Variants in LRRC27 observed in about 807,000 individuals in gnomAD.
LRRC27 encodes leucine rich repeat containing 27.
In LRRC27, 57 loss-of-function variants were observed where a neutral mutation model predicts 55.0. The observed-to-expected ratio is 1.04, with a 90% CI of 0.84 to 1.29. The LOEUF (loss-of-function observed/expected upper bound fraction) is 1.29. Ranked by LOEUF, LRRC27 falls within the 50% of genes most tolerant of loss-of-function variation. The pLI, the probability that LRRC27 is intolerant of heterozygous loss-of-function variation, is 0.00. For missense variants in LRRC27, 721 were observed against 651.5 expected, an observed-to-expected ratio of 1.11 and a Z score of -1.16; for synonymous variants, 278 against 251.9, an observed-to-expected ratio of 1.10 and a Z score of -0.98.
intron 3 of LRRC27, among the ~76,000 whole-genome samples, chr10:132,340,584 A>G (rs568251100): frequency 3.5e-4 from 53 of 152,318 alleles, no homozygotes; most frequent in Non-Finnish European, 7.2e-4. Flanking sequence ...GAGTAAACCA[A>G]AAACAGTGAA....
upstream of LRRC27, chr10:132,330,459 G>A (rs868031526): frequency 4.5e-5 from 32 of 717,118 alleles, no homozygotes; most frequent in Middle Eastern, 1.4e-3. Flanking sequence ...ACGCTCCTGA[G>A]AAGGTACTGG....
chr10:132,343,117 G>A (rs1160595088), intron 4 of LRRC27, among the ~76,000 whole-genome samples: 2 of 152,036 alleles, frequency 1.3e-5, no homozygotes, highest in Admixed American at 6.6e-5. Context: ...AAACCAGCCT[G>A]GGTAACATAG....
chr10:132,334,516 C>T (rs187365085), intron 2 of LRRC27, among the ~76,000 whole-genome samples: 11 of 152,344 alleles, frequency 7.2e-5, no homozygotes, highest in African/African-American at 2.2e-4. Flanking sequence ...GCTGGAATTA[C>T]AGGTGTAAGC....
chr10:132,360,173 G>A (rs1423992137), intron 8 of LRRC27, among the ~76,000 whole-genome samples: 1 of 152,174 alleles, frequency 6.6e-6, no homozygotes, highest in East Asian at 1.9e-4. Context: ...TTGGCTCACT[G>A]CAACCTCTGC....
intron 6 of LRRC27, 170 bp from the exon 7 acceptor site, chr10:132,351,437 C>CT: frequency 1.3e-6 from 1 of 745,924 alleles, no homozygotes; most frequent in Non-Finnish European, 2.3e-6. Flanking sequence ...ATTACGTGTC[C>CT]TGAAATCAAC....
Position 132,337,808 on chromosome 10 carries a change from A to C in LRRC27, c.341+113A>C. Reference sequence around the variant, plus strand: ...TAAATTTTTACCTCGGAATAGAAACATTTAATAGTATTTTTAAAGCCAGCT... The same window carrying C: ...TAAATTTTTACCTCGGAATAGAAACCTTTAATAGTATTTTTAAAGCCAGCT... On this transcript the variant is annotated intron_variant, in intron 3 of 10. Transcript: ENST00000368614. 3.2e-6 allele frequency: 4 copies of C among 1,245,272 alleles called. No individual in the cohort carries two copies. In the South Asian group the frequency reaches 5.8e-5, roughly 18 times the overall value. The allele number at this position is 1,245,272 out of a possible 1,614,324, so 77.1% of individuals were successfully genotyped here. A position where few individuals can be genotyped will look rare whatever the true frequency, so the allele number is the denominator to read the frequency against.
At chr10:132,362,553 TGAGGG>T (rs1471171601) in intron 9 of LRRC27, among the ~76,000 whole-genome samples, 1 of 152,018 alleles carries the variant, frequency 6.6e-6, no homozygotes, top group Non-Finnish European at 1.5e-5. Context: ...GGCTGGGCCT[TGAGGG>T]GAGGGGAGGG....
At chr10:132,361,628 C>G in intron 9 of LRRC27, 53 bp downstream of exon 9, 1 of 1,270,736 alleles carries the variant, frequency 7.9e-7, no homozygotes, top group African/African-American at 1.5e-5. Context: ...CAGCCACCCA[C>G]GGGCAGGTGC....
At chr10:132,369,770 C>T (rs2069173117) in intron 10 of LRRC27, among the ~76,000 whole-genome samples, 1 of 152,148 alleles carries the variant, frequency 6.6e-6, no homozygotes, top group Non-Finnish European at 1.5e-5. Flanking sequence ...GGGATGAAGG[C>T]TGCTCTAGAA....
intron 7 of LRRC27, among the ~76,000 whole-genome samples, chr10:132,354,210 G>A (rs1338512730): frequency 6.6e-6 from 1 of 152,226 alleles, no homozygotes; most frequent in Non-Finnish European, 1.5e-5. Flanking sequence ...TGGAAGAGAA[G>A]TTCTTGGATA....
chr10:132,350,439 T>TA, intron 6 of LRRC27: 1 of 152,448 alleles, frequency 6.6e-6, no homozygotes, highest in South Asian at 2.1e-4. Context: ...AGCAGCAGGT[T>TA]AAAGGCCAGT....
intron 8 of LRRC27, among the ~76,000 whole-genome samples, chr10:132,358,470 A>G (rs1373780353): frequency 0.015 from 102 of 6,768 alleles, 37 homozygotes; most frequent in African/African-American, 0.036. Flanking sequence ...AGCCGAGGTG[A>G]TGGAGCAGCG....
At position 132,376,662 on chromosome 10, in the gene LRRC27, C is replaced by T. The variant is rs749191600; in HGVS notation, c.*1420C>T. Reference sequence around the variant, plus strand: ...GAGCGTGTCCGTTGTGATCCCAGTCCTTTGAAACTGTGAAGCCTCGCCCCG... The same window carrying T: ...GAGCGTGTCCGTTGTGATCCCAGTCTTTTGAAACTGTGAAGCCTCGCCCCG... On this transcript the variant is annotated 3_prime_UTR_variant, in exon 11 of 11. Transcript: ENST00000368614. 5 of 152,326 alleles carry T rather than the reference C, an allele frequency of 3.3e-5. No individual in the cohort carries two copies. Among genetic ancestry groups the T allele is most frequent in the Non-Finnish European group, 7.3e-5 (5 of 68,090 alleles). 9.4% of individuals were successfully genotyped at this position (152,326 alleles called of 1,614,324 possible).
At chr10:132,337,359 G>T (rs928979378) in intron 2 of LRRC27, 4 of 1,354,362 alleles carry the variant, frequency 3.0e-6, no homozygotes, top group Admixed American at 3.4e-5. Context: ...TCCAAAGGCC[G>T]CCGGAAGGAG....
chr10:132,353,528 A>G lies in LRRC27; in HGVS notation c.1073+1775A>G, dbSNP rs978306994. 2.7e-5 allele frequency: 18 copies of G among 664,962 alleles called. 1 individual carries two copies. Among genetic ancestry groups the G allele is most frequent in the Non-Finnish European group, 3.4e-5 (18 of 534,008 alleles). The allele number at this position is 664,962 out of a possible 1,614,324, so 41.2% of individuals were successfully genotyped here. ...ATTGTAGTTGGTTGTCTTTTTCATT[A>G]AAAAGATGAATGAGGTGAAGTCCTC... On this transcript the variant is annotated intron_variant, in intron 7 of 10. Transcript: ENST00000368614.
rs772521695 is a variant in LRRC27 at position 132,379,781 on chromosome 10, G to A, written c.*4539G>A. 2.6e-5 allele frequency: 4 copies of A among 151,682 alleles called. No individual in the cohort carries two copies. The highest frequency in any genetic ancestry group is 6.6e-5 in the Admixed American group (1 of 15,250). 9.4% of individuals were successfully genotyped at this position (151,682 alleles called of 1,614,324 possible). ...GTGAGTGTCCAGCATTGTATAAGTTGACCCTTGAACAAGAGTTTGAATTAT... is the reference window on the plus strand; with the variant it reads ...GTGAGTGTCCAGCATTGTATAAGTTAACCCTTGAACAAGAGTTTGAATTAT... On this transcript the variant is annotated 3_prime_UTR_variant, in exon 11 of 11. Coordinates refer to ENST00000368614, the MANE Select transcript of LRRC27 (RefSeq NM_030626.3).
At chr10:132,338,149 C>G (rs778963983) in intron 3 of LRRC27, among the ~76,000 whole-genome samples, 9 of 152,108 alleles carry the variant, frequency 5.9e-5, no homozygotes, top group Non-Finnish European at 1.0e-4. Context: ...AACCCTATCT[C>G]TAATAAAAAT....
rs12414718 is a variant in LRRC27 at position 132,333,668 on chromosome 10, G to A, written c.144G>A (p.Pro48=). The A allele has an allele frequency of 0.061, 98,957 of 1,613,534 alleles. 3,670 individuals are homozygous for A. Among genetic ancestry groups the A allele is most frequent in the African/African-American group, 0.15 (11,517 of 74,968 alleles). Residue 48 remains proline (P), a synonymous_variant, in exon 2 of 11, where the codon CCG becomes CCA. Transcript: ENST00000368614. ...GAGGCATCATCTTTTCCTCCTCACCGATTTTAGACTTGAGTGAAAGTGGTC... is the reference window on the plus strand; with the variant it reads ...GAGGCATCATCTTTTCCTCCTCACCAATTTTAGACTTGAGTGAAAGTGGTC... The part of the protein sequence containing the change: ...GVGGIIFSSS[P]ILDLSESGLC...
intron 4 of LRRC27, among the ~76,000 whole-genome samples, chr10:132,343,904 C>G (rs766268651): frequency 2.0e-5 from 3 of 152,250 alleles, no homozygotes; most frequent in Non-Finnish European, 4.4e-5. Context: ...CACTGCCCAC[C>G]ACGGGAGCCT....
Sources: allele counts gnomAD v4.1 joint callset (sites outside exome capture counted in the v4.1 genomes callset), GRCh38; gene constraint gnomAD v4.1.1; transcripts MANE v1.5; gene names NCBI Gene and HGNC (gene_info 2026-07-23, HGNC 2026-07-21).